The following ZNF345 variants were observed in gnomAD, a reference collection of about 807,000 sequenced individuals.
ZNF345 encodes zinc finger protein 345.
For synonymous variants in ZNF345, 166 were observed against 187.9 expected (o/e 0.88, Z 0.95); for missense variants, 527 against 589.9 (o/e 0.89, Z 1.10).
chr19:36,870,024 G>A (rs564879399), intron 2 of ZNF345, among the ~76,000 whole-genome samples: 11 of 152,204 alleles, frequency 7.2e-5, no homozygotes, highest in South Asian at 6.2e-4. Flanking sequence ...CAAGTGAGCC[G>A]CCCACCTTGG....
chr19:36,873,766 A>G (rs2072819637), intron 2 of ZNF345, among the ~76,000 whole-genome samples: 1 of 151,636 alleles, frequency 6.6e-6, no homozygotes. Flanking sequence ...TTCACGTAGC[A>G]TAACGTCCTC....
chr19:36,888,622 A>G (rs1600724737), intron 3 of ZNF345: 1 of 152,294 alleles, frequency 6.6e-6, no homozygotes, highest in African/African-American at 2.4e-5. Context: ...ATACACATAT[A>G]GTGTAGTGGG....
chr19:36,883,642 G>A (rs554504037), downstream of ZNF345, among the ~76,000 whole-genome samples: 240 of 152,276 alleles, frequency 1.6e-3, no homozygotes, highest in Non-Finnish European at 2.7e-3. Context: ...GTGCTGCTTT[G>A]CTATTAATAT....
At chr19:36,860,103 G>T (rs982441448) in intron 2 of ZNF345, among the ~76,000 whole-genome samples, 2 of 151,950 alleles carry the variant, frequency 1.3e-5, no homozygotes, top group Non-Finnish European at 2.9e-5. Flanking sequence ...AACTACAGGC[G>T]CACGCCACCA....
intron 2 of ZNF345, among the ~76,000 whole-genome samples, chr19:36,859,528 A>G (rs1193950141): frequency 6.6e-6 from 1 of 151,112 alleles, no homozygotes; most frequent in Non-Finnish European, 1.5e-5. Context: ...TTTTTGTGAC[A>G]TTGAATTCAA....
In ZNF345 at chr19:36,850,916, GGGT is replaced by G. The variant is rs1446028372; in HGVS notation, c.-173_-171del. The G allele has an allele frequency of 2.0e-5, 3 of 152,488 alleles. No homozygotes were observed. The highest frequency in any genetic ancestry group is 7.2e-5 in the African/African-American group (3 of 41,572). The allele number at this position is 152,488 out of a possible 1,614,324, so 9.4% of individuals were successfully genotyped here. On this transcript the variant is annotated 5_prime_UTR_variant, in exon 1 of 3. Transcript: ENST00000420450. Reference sequence around the variant, plus strand: ...GCCTTGGGGCTTTGTGAGATAGCTAGGGTCGACTTGTGTGGATTCTAGTAGAAC... The same window carrying G: ...GCCTTGGGGCTTTGTGAGATAGCTAGCGACTTGTGTGGATTCTAGTAGAAC...
At chr19:36,889,372 A>C (rs925005755) in intron 3 of ZNF345, 3 of 152,096 alleles carry the variant, frequency 2.0e-5, no homozygotes, top group Non-Finnish European at 4.4e-5. Flanking sequence ...TGCTGTTACT[A>C]GTTCTTCCTT....
intron 2 of ZNF345, among the ~76,000 whole-genome samples, chr19:36,853,149 T>C (rs892532544): frequency 9.2e-5 from 14 of 152,064 alleles, no homozygotes; most frequent in African/African-American, 3.1e-4. Context: ...AATAAAATCA[T>C]TTCCTATGGT....
intron 2 of ZNF345, among the ~76,000 whole-genome samples, chr19:36,863,931 C>T (rs2146159615): frequency 6.6e-6 from 1 of 152,270 alleles, no homozygotes; most frequent in African/African-American, 2.4e-5. Context: ...TTTCTACCAA[C>T]CCAAATCCCA....
intron 3 of ZNF345, chr19:36,889,744 A>G (rs1461445744): frequency 6.6e-6 from 1 of 151,904 alleles, no homozygotes; most frequent in Non-Finnish European, 1.5e-5. Flanking sequence ...GATCTTTTGC[A>G]TTCCTTTGTT....
At chr19:36,870,479 A>G (rs997065597) in intron 2 of ZNF345, among the ~76,000 whole-genome samples, 1 of 151,742 alleles carries the variant, frequency 6.6e-6, no homozygotes, top group Non-Finnish European at 1.5e-5. Flanking sequence ...TGTTTCTTGG[A>G]TTCCTTGCCT....
intron 3 of ZNF345, among the ~76,000 whole-genome samples, chr19:36,887,242 T>C (rs2073007131): frequency 6.6e-6 from 1 of 151,796 alleles, no homozygotes; most frequent in African/African-American, 2.4e-5. Flanking sequence ...CAGCCAACAG[T>C]AACCTAAGGG....
Position 36,878,132 on chromosome 19 carries a change from T to A in ZNF345, c.1302T>A (p.Ala434=), listed in dbSNP as rs1171166983. ...KPYECKECGK[A]FYSGSSLTQH... is the part of the protein sequence containing the mutation. ...ATGAATGTAAGGAGTGTGGGAAGGC[T>A]TTTTATAGTGGCTCAAGCCTTACTC... The change falls in exon 3 of 3, where the codon GCT becomes GCA. Residue 434 remains alanine (A), a synonymous_variant. Coordinates refer to ENST00000420450, the MANE Select transcript of ZNF345 (RefSeq NM_001242472.2). 2 of 1,614,060 alleles carry A rather than the reference T, an allele frequency of 1.2e-6. No homozygotes were observed. The highest frequency in any genetic ancestry group is 3.3e-5 in the Admixed American group (2 of 60,010).
chr19:36,892,189 C>T (rs560468006), intron 3 of ZNF345: 29 of 1,613,976 alleles, frequency 1.8e-5, no homozygotes, highest in Middle Eastern at 1.6e-4. Context: ...CCTCTGATGT[C>T]GAGTAACGAG....
At chr19:36,854,859 C>CTTTTTT (rs34921305) in intron 2 of ZNF345, among the ~76,000 whole-genome samples, 2 of 138,508 alleles carry the variant, frequency 1.4e-5, no homozygotes, top group African/African-American at 2.7e-5. Flanking sequence ...CTTTTCTTTT[C>CTTTTTT]TTTTTTTTTT....
chr19:36,883,432 G>A (rs1425183836), downstream of ZNF345, among the ~76,000 whole-genome samples: 2 of 152,142 alleles, frequency 1.3e-5, no homozygotes, highest in African/African-American at 2.4e-5. Flanking sequence ...TTTCACCCCC[G>A]TGGGTTTGTT....
chr19:36,887,189 A>G (rs1255316902), intron 3 of ZNF345, among the ~76,000 whole-genome samples: 1 of 151,752 alleles, frequency 6.6e-6, no homozygotes, highest in Admixed American at 6.6e-5. Context: ...CACCACCACC[A>G]CCACCACCAA....
At chr19:36,873,735 A>T (rs2072818771) in intron 2 of ZNF345, among the ~76,000 whole-genome samples, 1 of 148,446 alleles carries the variant, frequency 6.7e-6, no homozygotes, top group Non-Finnish European at 1.5e-5. Flanking sequence ...ATCATGCAGT[A>T]TTTCTCTTCG....
intron 2 of ZNF345, among the ~76,000 whole-genome samples, chr19:36,864,656 T>C (rs1424348472): frequency 6.6e-6 from 1 of 152,076 alleles, no homozygotes; most frequent in Non-Finnish European, 1.5e-5. Flanking sequence ...ATGACAGTAA[T>C]TGCTGTGGTA....
Sources: allele counts gnomAD v4.1 joint callset (sites outside exome capture counted in the v4.1 genomes callset), GRCh38; gene constraint gnomAD v4.1.1; transcripts MANE v1.5; gene names NCBI Gene and HGNC (gene_info 2026-07-23, HGNC 2026-07-21).